Variants in STXBP5L observed in about 807,000 individuals in gnomAD.
STXBP5L encodes syntaxin binding protein 5L, also known as syntaxin-binding protein 5-like.
A neutral mutation model predicts 144.5 loss-of-function variants in STXBP5L; 65 were observed. That is an observed-to-expected ratio of 0.45 (90% CI 0.37 to 0.55). STXBP5L has a LOEUF of 0.55. STXBP5L is among the 20% of genes least tolerant of loss of function. The pLI is 0.00. For missense variants in STXBP5L, 1,298 were observed against 1,405.5 expected, an observed-to-expected ratio of 0.92 and a Z score of 1.22; for synonymous variants, 505 against 469.6, an observed-to-expected ratio of 1.08 and a Z score of -0.97.
intron 3 of STXBP5L, among the ~76,000 whole-genome samples, chr3:121,003,613 A>G (rs1000007809): frequency 6.6e-6 from 1 of 152,038 alleles, no homozygotes; most frequent in African/African-American, 2.4e-5. Flanking sequence ...TGTTTTAGAC[A>G]TGAAGTCCTT....
chr3:121,006,815 G>C (rs1013672181), intron 3 of STXBP5L, among the ~76,000 whole-genome samples: 1 of 152,122 alleles, frequency 6.6e-6, no homozygotes, highest in Non-Finnish European at 1.5e-5. Context: ...TATAGGCTTA[G>C]TTTGGCTGTA....
At chr3:121,057,038 G>T (rs1286301931) in intron 5 of STXBP5L, among the ~76,000 whole-genome samples, 1 of 150,792 alleles carries the variant, frequency 6.6e-6, no homozygotes, top group Non-Finnish European at 1.5e-5. Context: ...AAATTAGCAA[G>T]ATCTTTAGAA....
intron 2 of STXBP5L, among the ~76,000 whole-genome samples, chr3:120,944,079 T>C (rs1576458574): frequency 6.6e-6 from 1 of 151,032 alleles, no homozygotes; most frequent in Non-Finnish European, 1.5e-5. Flanking sequence ...AGTAAAAGAG[T>C]AGTAGTTAGT....
At chr3:121,283,105 TA>T (rs11286814) in intron 19 of STXBP5L, among the ~76,000 whole-genome samples, 15,037 of 151,856 alleles carry the variant, frequency 0.099, 1,169 homozygotes, top group Admixed American at 0.2. Context: ...TATATTCTGT[TA>T]AAAAGCAGGT....
intron 20 of STXBP5L, among the ~76,000 whole-genome samples, chr3:121,322,037 TG>T (rs1010502088): frequency 6.6e-6 from 1 of 152,080 alleles, no homozygotes; most frequent in African/African-American, 2.4e-5. Flanking sequence ...TAGCCCCCAG[TG>T]TCTATGGTTG....
At chr3:121,006,199 G>A (rs143077018) in intron 3 of STXBP5L, among the ~76,000 whole-genome samples, 5 of 152,102 alleles carry the variant, frequency 3.3e-5, no homozygotes, top group East Asian at 1.9e-4. Flanking sequence ...GTCTCTTTGT[G>A]GGTCTCTAAG....
At chr3:121,241,215 T>G (rs2049654572) in intron 14 of STXBP5L, among the ~76,000 whole-genome samples, 1 of 152,104 alleles carries the variant, frequency 6.6e-6, no homozygotes, top group Non-Finnish European at 1.5e-5. Context: ...GAATTAGAGC[T>G]AAAGAAGCTA....
intron 3 of STXBP5L, among the ~76,000 whole-genome samples, chr3:121,011,897 C>T (rs1304619443): frequency 6.6e-6 from 1 of 151,740 alleles, no homozygotes; most frequent in African/African-American, 2.4e-5. Context: ...ATAATTACTA[C>T]AGTGAATTTT....
chr3:121,049,941 C>G (rs1414454866), intron 5 of STXBP5L, among the ~76,000 whole-genome samples: 1 of 152,128 alleles, frequency 6.6e-6, no homozygotes, highest in East Asian at 1.9e-4. Context: ...TCTCCTGATC[C>G]TGAGTCCAAG....
chr3:121,036,140 C>G (rs886470333), intron 3 of STXBP5L, among the ~76,000 whole-genome samples: 3 of 152,058 alleles, frequency 2.0e-5, no homozygotes, highest in African/African-American at 4.8e-5. Flanking sequence ...TGAGACCAGC[C>G]TAGCCAACAT....
chr3:121,186,678 C>T (rs867310546), intron 9 of STXBP5L, among the ~76,000 whole-genome samples: 2 of 152,176 alleles, frequency 1.3e-5, no homozygotes, highest in Middle Eastern at 3.2e-3. Flanking sequence ...TTTTGATGTG[C>T]TGCTGGATTC....
At chr3:121,384,520 G>A (rs1412995479) in intron 22 of STXBP5L, among the ~76,000 whole-genome samples, 1 of 152,012 alleles carries the variant, frequency 6.6e-6, no homozygotes, top group Non-Finnish European at 1.5e-5. Flanking sequence ...TTTTTTGAAA[G>A]ACTAAAGTCA....
chr3:121,055,383 A>G (rs1948382087), intron 5 of STXBP5L, among the ~76,000 whole-genome samples: 1 of 152,176 alleles, frequency 6.6e-6, no homozygotes, highest in Non-Finnish European at 1.5e-5. Context: ...GTTTCAGTTT[A>G]TAAATTTATA....
intron 20 of STXBP5L, among the ~76,000 whole-genome samples, chr3:121,374,849 G>A (rs2046135843): frequency 6.6e-6 from 1 of 152,088 alleles, no homozygotes; most frequent in Non-Finnish European, 1.5e-5. Context: ...CCTAGGAGTT[G>A]TGGAAAACAA....
chr3:121,274,977 A>T (rs1216020140), intron 18 of STXBP5L, among the ~76,000 whole-genome samples: 1 of 152,196 alleles, frequency 6.6e-6, no homozygotes. Flanking sequence ...TTATTTACTT[A>T]TGAATATACA....
At chr3:121,331,278 C>G (rs2044313149) in intron 20 of STXBP5L, among the ~76,000 whole-genome samples, 1 of 152,178 alleles carries the variant, frequency 6.6e-6, no homozygotes, top group Non-Finnish European at 1.5e-5. Context: ...AGCCCGGGTG[C>G]TCATGAAAGA....
intron 5 of STXBP5L, among the ~76,000 whole-genome samples, chr3:121,096,313 C>T (rs7636387): frequency 0.51 from 77,650 of 151,946 alleles, 20,302 homozygotes; most frequent in Admixed American, 0.6. Flanking sequence ...CTCCTTTAGC[C>T]TGGAGGAGTT....
At chr3:121,090,484 ATAT>A (rs1039871710) in intron 5 of STXBP5L, among the ~76,000 whole-genome samples, 1 of 152,176 alleles carries the variant, frequency 6.6e-6, no homozygotes, top group Non-Finnish European at 1.5e-5. Flanking sequence ...GATGTAGAAA[ATAT>A]TATTTCTGTT....
At chr3:121,231,693 C>T (rs1451757070) in intron 11 of STXBP5L, among the ~76,000 whole-genome samples, 1 of 152,062 alleles carries the variant, frequency 6.6e-6, no homozygotes, top group African/African-American at 2.4e-5. Context: ...AGATTCCTTC[C>T]CAGTGAATCA....
Sources: gnomAD v4.1 joint callset for allele counts (sites outside exome capture counted in the v4.1 genomes callset) on GRCh38, gnomAD v4.1.1 for gene constraint, MANE v1.5 for transcripts, NCBI Gene and HGNC (gene_info 2026-07-23, HGNC 2026-07-21) for gene names.